Variants in CDK14 observed in about 807,000 individuals in gnomAD.
CDK14 encodes cyclin-dependent kinase 14.
In CDK14, 34 loss-of-function variants were observed where a neutral mutation model predicts 60.7. That is an observed-to-expected ratio of 0.56 (90% confidence interval 0.43 to 0.75). The LOEUF (loss-of-function observed/expected upper bound fraction) is 0.75, where lower values mean the gene tolerates loss of function less well. Among genes scored for constraint, CDK14 ranks in the 30% least tolerant of loss-of-function variants. CDK14 has a pLI of 0.00. For missense variants in CDK14, 482 were observed against 564.1 expected (o/e 0.85, Z 1.47); for synonymous variants, 197 against 203.7 (o/e 0.97, Z 0.28).
intron 10 of CDK14, among the ~76,000 whole-genome samples, chr7:91,016,705 A>G (rs1484375061): frequency 6.6e-6 from 1 of 152,228 alleles, no homozygotes; most frequent in Admixed American, 6.5e-5. Flanking sequence ...ATCCACTGCT[A>G]CTATGTATGC....
chr7:91,161,182 G>T (rs1447379145), intron 14 of CDK14, among the ~76,000 whole-genome samples: 1 of 152,264 alleles, frequency 6.6e-6, no homozygotes, highest in Non-Finnish European at 1.5e-5. Context: ...GGTCTGGACG[G>T]GTTGATAGGA....
At chr7:91,051,748 G>A (rs1797398467) in intron 11 of CDK14, among the ~76,000 whole-genome samples, 1 of 152,074 alleles carries the variant, frequency 6.6e-6, no homozygotes, top group African/African-American at 2.4e-5. Context: ...TTTGCATAAG[G>A]CTCTCTGCTA....
intron 2 of CDK14, among the ~76,000 whole-genome samples, chr7:90,658,981 A>G (rs564820171): frequency 8.5e-5 from 13 of 152,354 alleles, no homozygotes; most frequent in African/African-American, 3.1e-4. Flanking sequence ...GATGATAATA[A>G]TTAAAGAACA....
At chr7:90,619,957 C>T (rs536889071) in intron 2 of CDK14, among the ~76,000 whole-genome samples, 1 of 152,284 alleles carries the variant, frequency 6.6e-6, no homozygotes, top group South Asian at 2.1e-4. Flanking sequence ...GATTGTGACC[C>T]TGTACTCCAG....
chr7:91,123,445 A>G (rs1799843622), intron 14 of CDK14, among the ~76,000 whole-genome samples: 1 of 152,174 alleles, frequency 6.6e-6, no homozygotes, highest in African/African-American at 2.4e-5. Flanking sequence ...TTCATCTGGA[A>G]GATTCCCTAG....
chr7:90,908,804 G>A (rs773095253), intron 7 of CDK14, among the ~76,000 whole-genome samples: 37 of 152,106 alleles, frequency 2.4e-4, no homozygotes, highest in Non-Finnish European at 4.7e-4. Context: ...TTGATCATAC[G>A]TATCTAAATT....
chr7:90,604,506 G>A (rs1234209348), intron 2 of CDK14, among the ~76,000 whole-genome samples: 2 of 152,168 alleles, frequency 1.3e-5, no homozygotes, highest in Non-Finnish European at 2.9e-5. Flanking sequence ...TTGTGTTGTT[G>A]CCTTCTTGCT....
At chr7:91,017,354 T>A (rs1417887162) in intron 10 of CDK14, among the ~76,000 whole-genome samples, 1 of 152,198 alleles carries the variant, frequency 6.6e-6, no homozygotes, top group Non-Finnish European at 1.5e-5. Context: ...TAGCTGGTGG[T>A]TTCTTACAGG....
chr7:91,200,155 G>A (rs1023071205), intron 14 of CDK14, among the ~76,000 whole-genome samples: 3 of 152,170 alleles, frequency 2.0e-5, no homozygotes, highest in Admixed American at 2.0e-4. Context: ...CAAAGAATAA[G>A]GAAATTAAGC....
At chr7:90,788,180 A>G (rs941277716) in intron 4 of CDK14, among the ~76,000 whole-genome samples, 22 of 152,120 alleles carry the variant, frequency 1.4e-4, no homozygotes, top group African/African-American at 5.3e-4. Flanking sequence ...GGGTGAGGGG[A>G]AAATATCTGT....
chr7:91,071,707 T>TGCC, intron 11 of CDK14, among the ~76,000 whole-genome samples: 1 of 152,176 alleles, frequency 6.6e-6, no homozygotes, highest in Non-Finnish European at 1.5e-5. Flanking sequence ...CCCTCTGTGC[T>TGCC]CCTTCAGGGA....
chr7:90,709,821 C>T, intron 2 of CDK14: 1 of 1,414,778 alleles, frequency 7.1e-7, no homozygotes, highest in Non-Finnish European at 9.2e-7. Context: ...TGTAGTACGG[C>T]CGTACCATTT....
At chr7:91,080,616 C>T (rs945641186) in intron 12 of CDK14, among the ~76,000 whole-genome samples, 1 of 152,162 alleles carries the variant, frequency 6.6e-6, no homozygotes, top group Non-Finnish European at 1.5e-5. Flanking sequence ...ACTGGTCTAA[C>T]ATATTTTAAT....
At chr7:90,956,509 G>GT (rs1334703910) in intron 9 of CDK14, among the ~76,000 whole-genome samples, 2 of 152,102 alleles carry the variant, frequency 1.3e-5, no homozygotes, top group African/African-American at 4.8e-5. Flanking sequence ...AGGACGGACT[G>GT]TTGAACATAT....
At chr7:90,606,229 G>T (rs17865633) in intron 2 of CDK14, among the ~76,000 whole-genome samples, 2 of 152,198 alleles carry the variant, frequency 1.3e-5, no homozygotes, top group Admixed American at 1.3e-4. Flanking sequence ...CTCAAGGCCA[G>T]AAAATCTTGG....
chr7:90,889,545 A>G (rs1792051121), intron 6 of CDK14, among the ~76,000 whole-genome samples: 2 of 152,252 alleles, frequency 1.3e-5, no homozygotes, highest in African/African-American at 4.8e-5. Context: ...AAAAGAAGAA[A>G]GAGAATACAT....
intron 5 of CDK14, among the ~76,000 whole-genome samples, chr7:90,801,915 G>T (rs746864793): frequency 6.6e-6 from 1 of 152,124 alleles, no homozygotes; most frequent in Non-Finnish European, 1.5e-5. Flanking sequence ...AGTGGAGAGA[G>T]GACATCTGCC....
At chr7:90,994,481 A>G (rs1795624262) in intron 10 of CDK14, among the ~76,000 whole-genome samples, 1 of 152,240 alleles carries the variant, frequency 6.6e-6, no homozygotes, top group African/African-American at 2.4e-5. Flanking sequence ...CATAGATCCC[A>G]TTTGTACATA....
chr7:90,709,737 A>C, intron 2 of CDK14: 1 of 1,428,254 alleles, frequency 7.0e-7, no homozygotes, highest in Non-Finnish European at 9.2e-7. Context: ...GTCTTATTCC[A>C]CTGAGATTAG....
Sources: allele counts gnomAD v4.1 joint callset (sites outside exome capture counted in the v4.1 genomes callset), GRCh38; gene constraint gnomAD v4.1.1; transcripts MANE v1.5; gene names NCBI Gene and HGNC (gene_info 2026-07-23, HGNC 2026-07-21).